Variants in USP9X observed in about 807,000 individuals in gnomAD.
USP9X encodes ubiquitin specific peptidase 9 X-linked.
In USP9X, 7 loss-of-function variants were observed where a neutral mutation model predicts 190.3. The observed-to-expected ratio is 0.04, with a 90% CI of 0.02 to 0.07. USP9X has a LOEUF of 0.07. USP9X is among the 10% of genes least tolerant of loss of function. USP9X has a pLI of 1.00. For missense variants in USP9X, 1,010 were observed against 1,916.9 expected, an observed-to-expected ratio of 0.53 and a Z score of 8.83; for synonymous variants, 645 against 659.5, an observed-to-expected ratio of 0.98 and a Z score of 0.34.
At chrX:41,140,840 A>G in intron 7 of USP9X, 69 bp downstream of exon 7, 1 of 1,082,601 alleles carries the variant, frequency 9.2e-7, no homozygotes, top group Non-Finnish European at 1.2e-6. Flanking sequence ...ATAAAAATTG[A>G]GTTTTTCAAG....
chrX:41,192,126 T>G (rs2062942088), intron 26 of USP9X, among the ~76,000 whole-genome samples: 1 of 112,024 alleles, frequency 8.9e-6, no homozygotes, highest in South Asian at 3.7e-4. Context: ...CAGAGTGATC[T>G]CTAGAAAATA....
chrX:41,132,278 C>T (rs1323297032), intron 4 of USP9X, among the ~76,000 whole-genome samples: 1 of 102,943 alleles, frequency 9.7e-6, no homozygotes, highest in Non-Finnish European at 2.0e-5. Context: ...TACAGGCATG[C>T]GCCACCATGC....
intron 4 of USP9X, among the ~76,000 whole-genome samples, chrX:41,133,639 T>TGA (rs1175471962): frequency 1.8e-5 from 2 of 112,244 alleles, no homozygotes; most frequent in Non-Finnish European, 3.8e-5. Flanking sequence ...TTTACGTCCG[T>TGA]GAGTTCAATT....
At chrX:41,180,063 C>T (rs919346618) in intron 21 of USP9X, among the ~76,000 whole-genome samples, 1 of 111,145 alleles carries the variant, frequency 9.0e-6, no homozygotes, top group Non-Finnish European at 1.9e-5. Context: ...GTGCAGTACA[C>T]CATATTTAGT....
chrX:41,151,207 A>C (rs2062521923), intron 13 of USP9X, 150 bp downstream of exon 13: 2 of 489,553 alleles, frequency 4.1e-6, no homozygotes, highest in Non-Finnish European at 3.0e-6. Flanking sequence ...AGAATTCTTT[A>C]TTACATCTAC....
chrX:41,209,137 C>T (rs1014950246), intron 32 of USP9X, among the ~76,000 whole-genome samples: 3 of 111,531 alleles, frequency 2.7e-5, no homozygotes, highest in African/African-American at 9.8e-5. Context: ...CAGTTATATC[C>T]AAGTAATATA....
rs199609446 is a variant in USP9X at position 41,184,492 on chromosome X, T to C, written c.3375T>C (p.Leu1125=). ...TCTTGAAAAGTGGTGGCCTACCCCTTGTACTGAGTATGCTAACCAGAAATA... is the reference window on the plus strand; with the variant it reads ...TCTTGAAAAGTGGTGGCCTACCCCTCGTACTGAGTATGCTAACCAGAAATA... ...FHFLKSGGLP[L]VLSMLTRNNF... The change falls in exon 23 of 45, where the codon CTT becomes CTC. Residue 1125 remains leucine (L), a synonymous_variant. Transcript: ENST00000378308. 20 of 1,209,378 alleles carry C rather than the reference T, an allele frequency of 1.7e-5. No homozygotes were observed. The African/African-American group carries it at 3.0e-4, about 18-fold the overall frequency.
At chrX:41,153,190 T>G (rs1048183489) in intron 14 of USP9X, 109 bp downstream of exon 14, 3 of 833,450 alleles carry the variant, frequency 3.6e-6, no homozygotes, top group Admixed American at 6.9e-5. Context: ...AGATCCACTA[T>G]TACTCCCAAC....
intron 11 of USP9X, among the ~76,000 whole-genome samples, chrX:41,147,100 TC>T (rs2062472298): frequency 9.0e-6 from 1 of 111,332 alleles, no homozygotes; most frequent in African/African-American, 3.3e-5. Context: ...CTTTTTTACT[TC>T]CCTTGCAATT....
At chrX:41,099,367 A>G (rs144173505) in intron 1 of USP9X, among the ~76,000 whole-genome samples, 3 of 110,682 alleles carry the variant, frequency 2.7e-5, no homozygotes, top group South Asian at 3.8e-4. Context: ...TATAGGATAC[A>G]TATGTGTTTA....
In USP9X at chrX:41,208,719, T is replaced by G. The variant is rs192456972; in HGVS notation, c.5016-1790T>G. Among the ~76,000 whole-genome samples, 28 of 110,842 alleles carry G rather than the reference T, an allele frequency of 2.5e-4. 1 individual carries two copies. In the East Asian group the frequency reaches 4.8e-3, roughly 19 times the overall value. On this transcript the variant is annotated intron_variant, in intron 32 of 44. Transcript: ENST00000378308. ...TGTTTGTTTGTTTGTTTGTTTTTTG[T>G]TTTTTTGAGATGGAGTCTCGCTCTG...
chrX:41,230,020 G>T, intron 43 of USP9X: 1 of 437,185 alleles, frequency 2.3e-6, no homozygotes, highest in Non-Finnish European at 3.6e-6. Context: ...GGCCAACAAG[G>T]TGAAATCCCA....
intron 2 of USP9X, 100 bp from the exon 3 acceptor site, chrX:41,128,900 A>G (rs757549811): frequency 6.4e-4 from 612 of 952,509 alleles, no homozygotes; most frequent in Non-Finnish European, 8.2e-4. Flanking sequence ...GCTATTTACA[A>G]AATTTTTAAA....
intron 34 of USP9X, 67 bp from the exon 35 acceptor site, chrX:41,215,829 GCTT>G: frequency 3.9e-6 from 4 of 1,038,515 alleles, no homozygotes; most frequent in South Asian, 4.6e-5. Flanking sequence ...TTAAAAGTTT[GCTT>G]GGGGTTTTTT....
chrX:41,226,250 T>C (rs1218910242), intron 41 of USP9X, among the ~76,000 whole-genome samples: 1 of 112,368 alleles, frequency 8.9e-6, no homozygotes, highest in African/African-American at 3.2e-5. Flanking sequence ...GTTATCCAGC[T>C]TAACTGGCCC....
In USP9X at chrX:41,184,146, T is replaced by TTTG. The variant is rs771135402; in HGVS notation, c.3279+30_3279+32dup. 4 of 1,177,731 alleles carry TTTG rather than the reference T, an allele frequency of 3.4e-6. No individual in the cohort carries two copies. Among genetic ancestry groups the TTTG allele is most frequent in the African/African-American group, 3.6e-5 (2 of 55,394 alleles). ...TAACAGAGGTTAGTTTTTGGGGTTT[T>TTTG]TTGTTGTTGTTGTTTTCTTTGTTTT... On this transcript the variant is annotated intron_variant, in intron 22 of 44. Transcript: ENST00000378308.
chrX:41,184,004 C>G lies in USP9X; in HGVS notation c.3155C>G (p.Thr1052Arg). 1 of 1,200,293 alleles carries G rather than the reference C, an allele frequency of 8.3e-7. No homozygotes were observed. Among genetic ancestry groups the G allele is most frequent in the Middle Eastern group, 2.3e-4 (1 of 4,301 alleles). The change falls in exon 22 of 45, where the codon ACA becomes AGA. Residue 1052 changes from threonine (T) to arginine (R), a missense_variant. Physicochemically the swap from Thr to Arg is moderately conservative, Grantham distance 71. Coordinates refer to ENST00000378308, the MANE Select transcript of USP9X (RefSeq NM_001039591.3). ...VLMKLMPPDSTTIEKLRAICL... is the reference protein window; with the variant it reads ...VLMKLMPPDSRTIEKLRAICL... ...GTCTCTTTTTTTCCTCCAGATAGCA[C>G]AACGATAGAAAAATTAAGAGCTATT...
Position 41,129,249 on chromosome X carries a change from C to T in USP9X, c.242+104C>T, listed in dbSNP as rs1456106737. On this transcript the variant is annotated intron_variant, in intron 3 of 44. Coordinates refer to ENST00000378308, the MANE Select transcript of USP9X (RefSeq NM_001039591.3). ...TCGTCACTGCCAAGTGCTTTATAAC[C>T]CATGATTCTTAATAGATTTAATAAA... 3.7e-6 allele frequency: 3 copies of T among 810,099 alleles called. No individual in the cohort carries two copies. In the African/African-American group the frequency reaches 6.3e-5, roughly 17 times the overall value. 66.8% of individuals were successfully genotyped at this position (810,099 alleles called of 1,213,427 possible).
intron 33 of USP9X, among the ~76,000 whole-genome samples, 162 bp from the exon 34 acceptor site, chrX:41,214,406 A>G (rs766458933): frequency 1.2e-4 from 13 of 111,555 alleles, no homozygotes; most frequent in African/African-American, 4.2e-4. Flanking sequence ...GCAAACCAAC[A>G]TGGCACATGT....
Sources: allele counts gnomAD v4.1 joint callset (sites outside exome capture counted in the v4.1 genomes callset), GRCh38; gene constraint gnomAD v4.1.1; transcripts MANE v1.5; gene names NCBI Gene and HGNC (gene_info 2026-07-23, HGNC 2026-07-21).